Variants in CREM observed in about 807,000 individuals in gnomAD.
The protein encoded by CREM is cAMP-responsive element modulator.
A neutral mutation model predicts 37.3 loss-of-function variants in CREM; 13 were observed. That is an observed-to-expected ratio of 0.35 (90% CI 0.23 to 0.55). The LOEUF (loss-of-function observed/expected upper bound fraction) is 0.55, where lower values mean the gene tolerates loss of function less well. Among genes scored for constraint, CREM ranks in the 20% least tolerant of loss-of-function variants. The probability of loss-of-function intolerance (pLI) is 0.88; values close to 1 mark genes in which losing one functional copy is unlikely to be tolerated. For missense variants in CREM, 296 were observed against 362.3 expected, an observed-to-expected ratio of 0.82 and a Z score of 1.49; for synonymous variants, 124 against 120.2, an observed-to-expected ratio of 1.03 and a Z score of -0.21.
chr10:35,148,839 G>A lies in CREM; in HGVS notation c.168+348G>A, dbSNP rs544383103. Among the ~76,000 whole-genome samples, 19 of 152,138 alleles carry A rather than the reference G, an allele frequency of 1.2e-4. No homozygotes were observed. The South Asian group carries it at 3.5e-3, about 28-fold the overall frequency. ...TGACAGAAATCTTACCATTTTCCCCGTATATATTTGTCTTAATCATTACTT... is the reference window on the plus strand; with the variant it reads ...TGACAGAAATCTTACCATTTTCCCCATATATATTTGTCTTAATCATTACTT... On this transcript the variant is annotated intron_variant, in intron 3 of 7. Coordinates refer to ENST00000685392, the MANE Select transcript of CREM (RefSeq NM_183011.2).
intron 5 of CREM, among the ~76,000 whole-genome samples, chr10:35,183,183 TA>T (rs1391934400): frequency 6.6e-6 from 1 of 152,088 alleles, no homozygotes; most frequent in Non-Finnish European, 1.5e-5. Flanking sequence ...CGAGGAATCT[TA>T]TTAGAGTATT....
intron 2 of CREM, among the ~76,000 whole-genome samples, chr10:35,141,994 C>T (rs1024986764): frequency 1.3e-5 from 2 of 152,076 alleles, no homozygotes; most frequent in African/African-American, 4.8e-5. Context: ...TTAAAATGTA[C>T]GTTGGATTTA....
At chr10:35,135,470 A>G (rs1443405072) in intron 1 of CREM, 1 of 152,286 alleles carries the variant, frequency 6.6e-6, no homozygotes, top group Admixed American at 6.5e-5. Context: ...GAATTTGTCT[A>G]GCAGGCTCTC....
At chr10:35,150,084 A>C (rs1405983808) in intron 3 of CREM, among the ~76,000 whole-genome samples, 1 of 152,230 alleles carries the variant, frequency 6.6e-6, no homozygotes, top group African/African-American at 2.4e-5. Flanking sequence ...CTGTGTGAAT[A>C]GAATAGAAAG....
intron 2 of CREM, among the ~76,000 whole-genome samples, chr10:35,140,769 A>G (rs1363463295): frequency 6.6e-6 from 1 of 152,232 alleles, no homozygotes; most frequent in Non-Finnish European, 1.5e-5. Context: ...GACTAGTGAG[A>G]ATTTGCCAGT....
chr10:35,159,229 T>C (rs1381234203), intron 3 of CREM, among the ~76,000 whole-genome samples: 1 of 152,098 alleles, frequency 6.6e-6, no homozygotes, highest in African/African-American at 2.4e-5. Context: ...ATCTTATTAC[T>C]TGGTGTATGA....
At chr10:35,166,266 C>CAA (rs35532709) in intron 3 of CREM, among the ~76,000 whole-genome samples, 18 of 151,578 alleles carry the variant, frequency 1.2e-4, no homozygotes, top group Non-Finnish European at 1.3e-4. Context: ...AAAAACAAAA[C>CAA]AAAAAAAACA....
chr10:35,154,034 A>G (rs2136145581), intron 3 of CREM: 1 of 398,554 alleles, frequency 2.5e-6, no homozygotes, highest in Non-Finnish European at 4.4e-6. Context: ...TTCATATCTT[A>G]TCCTTTCTTA....
chr10:35,196,913 A>G (rs1590384866), intron 6 of CREM, among the ~76,000 whole-genome samples: 1 of 119,554 alleles, frequency 8.4e-6, no homozygotes, highest in Non-Finnish European at 1.6e-5. Flanking sequence ...TCTGTCGCCC[A>G]GGCTGGAGTG....
intron 6 of CREM, among the ~76,000 whole-genome samples, chr10:35,195,432 A>G (rs1478523285): frequency 6.6e-6 from 1 of 151,782 alleles, no homozygotes; most frequent in Non-Finnish European, 1.5e-5. Flanking sequence ...TGCTTGACTG[A>G]GGCACTAATC....
intron 6 of CREM, chr10:35,201,384 A>C (rs1394502685): frequency 6.5e-7 from 1 of 1,533,172 alleles, no homozygotes; most frequent in South Asian, 1.2e-5. Flanking sequence ...ACTGTGCTAG[A>C]CACTTTGACA....
chr10:35,138,362 T>C (rs1332336728), intron 2 of CREM, among the ~76,000 whole-genome samples: 1 of 152,230 alleles, frequency 6.6e-6, no homozygotes, highest in Non-Finnish European at 1.5e-5. Context: ...AAAATTGATT[T>C]TCCACTTTTT....
At chr10:35,139,126 A>AT (rs2091066407) in intron 2 of CREM, among the ~76,000 whole-genome samples, 1 of 134,396 alleles carries the variant, frequency 7.4e-6, no homozygotes, top group Admixed American at 7.4e-5. Context: ...CCATTTTAGC[A>AT]ATTTTTTTTT....
chr10:35,137,159 C>T (rs953586456), intron 1 of CREM, among the ~76,000 whole-genome samples: 2 of 152,114 alleles, frequency 1.3e-5, no homozygotes, highest in Middle Eastern at 3.2e-3. Context: ...CTTCTTTCCA[C>T]ATGTCAAATA....
chr10:35,175,334 T>G (rs937165060), intron 3 of CREM, among the ~76,000 whole-genome samples: 18 of 152,084 alleles, frequency 1.2e-4, no homozygotes, highest in Non-Finnish European at 2.5e-4. Flanking sequence ...TAGTCCCAGC[T>G]ACTCAGGAGG....
At chr10:35,134,326 C>T (rs1194128618) in intron 1 of CREM, among the ~76,000 whole-genome samples, 1 of 152,226 alleles carries the variant, frequency 6.6e-6, no homozygotes, top group Non-Finnish European at 1.5e-5. Flanking sequence ...AAGCAGTTCT[C>T]CTGCCTCACC....
chr10:35,144,820 C>G (rs751052817), intron 2 of CREM, among the ~76,000 whole-genome samples: 1 of 151,542 alleles, frequency 6.6e-6, no homozygotes, highest in Non-Finnish European at 1.5e-5. Context: ...CATAATTAGC[C>G]TTTTTTTCAT....
chr10:35,157,249 C>T (rs2092970293), intron 3 of CREM, among the ~76,000 whole-genome samples: 1 of 149,692 alleles, frequency 6.7e-6, no homozygotes, highest in Non-Finnish European at 1.5e-5. Context: ...TACCTCAGTG[C>T]AACAAAGGCA....
At chr10:35,167,658 G>T in intron 3 of CREM, 1 of 1,495,596 alleles carries the variant, frequency 6.7e-7, no homozygotes, top group Non-Finnish European at 9.3e-7. Flanking sequence ...GCCAAATAAG[G>T]CTGTCAATTG....
Sources: allele counts gnomAD v4.1 joint callset (sites outside exome capture counted in the v4.1 genomes callset), GRCh38; gene constraint gnomAD v4.1.1; transcripts MANE v1.5; gene names NCBI Gene and HGNC (gene_info 2026-07-23, HGNC 2026-07-21).